Variants in SPATA13 observed in about 807,000 individuals in gnomAD.
SPATA13 encodes the protein spermatogenesis-associated protein 13.
SPATA13 carries 50 observed loss-of-function variants against 104.0 expected under a neutral mutation model. That is an observed-to-expected ratio of 0.48 (90% CI 0.38 to 0.61). The LOEUF is 0.61. Among genes scored for constraint, SPATA13 ranks in the 20% least tolerant of loss-of-function variants. SPATA13 has a pLI of 0.00. For synonymous variants in SPATA13, 606 were observed against 667.5 expected (o/e 0.91, Z 1.42); for missense variants, 1,524 against 1,690.6 (o/e 0.90, Z 1.73).
chr13:24,016,302 G>T (rs1332994706), intron 2 of SPATA13, among the ~76,000 whole-genome samples: 1 of 152,178 alleles, frequency 6.6e-6, no homozygotes, highest in African/African-American at 2.4e-5. Flanking sequence ...AGCAGCTGCG[G>T]CTCTTCCTGA....
chr13:24,245,536 A>G (rs1873074676), intron 2 of SPATA13, among the ~76,000 whole-genome samples: 1 of 139,900 alleles, frequency 7.1e-6, no homozygotes, highest in South Asian at 2.2e-4. Context: ...CTCCTTTTAT[A>G]TCTTCATTGG....
rs1233829548 is a variant in SPATA13, at chr13:24,224,052, C to G, written c.1123C>G (p.Arg375Gly). 1 of 1,547,450 alleles carries G rather than the reference C, an allele frequency of 6.5e-7. No homozygotes were observed. The highest frequency in any genetic ancestry group is 8.7e-7 in the Non-Finnish European group (1 of 1,144,570). Residue 375 changes from arginine to glycine, a missense_variant, in exon 2 of 13, where the codon CGG becomes GGG. Arg to Gly is a moderately radical substitution (Grantham distance 125). Around this residue, in one of 2 missense-constraint regions of SPATA13, gnomAD observed 1,089 missense variants for 1,135.9 expected, o/e 0.96. Coordinates refer to ENST00000382108, the MANE Select transcript of SPATA13 (RefSeq NM_001166271.3). Reference sequence around the variant, plus strand: ...CAGGAGCACTGAGCAGGACAGCAGGCGGGGCGGGGCGGTCATGCATGGGAC... The same window carrying G: ...CAGGAGCACTGAGCAGGACAGCAGGGGGGGCGGGGCGGTCATGCATGGGAC... ...VSRSTEQDSR[R>G]GGAVMHGTTA... is the part of the protein sequence containing the mutation.
intron 2 of SPATA13, among the ~76,000 whole-genome samples, chr13:24,005,610 G>T (rs1455687554): frequency 6.6e-6 from 1 of 152,140 alleles, no homozygotes; most frequent in South Asian, 2.1e-4. Context: ...GTGGGGACAG[G>T]GGGTGGGAGA....
chr13:24,163,440 G>A (rs1468637207), intron 1 of SPATA13, among the ~76,000 whole-genome samples: 1 of 152,102 alleles, frequency 6.6e-6, no homozygotes, highest in Non-Finnish European at 1.5e-5. Flanking sequence ...GAAGACTACT[G>A]CCAGCTGTCT....
Position 24,161,082 on chromosome 13 carries a change from T to G in SPATA13, c.-112+150T>G. ...GCTTGGCCTCTGCTTCCCCCGCCGG[T>G]GGAGGCTACCGGGTGCTCACCTGTT... On this transcript the variant is annotated intron_variant, in intron 1 of 12. Transcript: ENST00000382108. This position sits in a 1 kb window ranked among gnomAD's most constrained non-coding sequence, Gnocchi z 4.5. 4.7e-6 allele frequency: 2 copies of G among 421,962 alleles called. No individual in the cohort carries two copies. Among genetic ancestry groups the G allele is most frequent in the Non-Finnish European group, 6.4e-6 (2 of 314,504 alleles). The allele number at this position is 421,962 out of a possible 1,614,324, so 26.1% of individuals were successfully genotyped here. A position where few individuals can be genotyped will look rare whatever the true frequency, so the allele number is the denominator to read the frequency against.
In SPATA13 at chr13:24,306,516, G is replaced by A. The variant is rs1007519041; in HGVS notation, c.*3743G>A. 2 of 152,114 alleles carry A rather than the reference G, an allele frequency of 1.3e-5. No individual in the cohort carries two copies. Among genetic ancestry groups the A allele is most frequent in the Non-Finnish European group, 2.9e-5 (2 of 68,036 alleles). The allele number at this position is 152,114 out of a possible 1,614,324, so 9.4% of individuals were successfully genotyped here. A position where few individuals can be genotyped will look rare whatever the true frequency, so the allele number is the denominator to read the frequency against. ...CTAGGTGAAACTACTAGCAGACCCA[G>A]CTTTCCCATAATAACCTAATCTGCA... is the stretch of plus-strand genomic sequence containing the variant. On this transcript the variant is annotated 3_prime_UTR_variant, in exon 13 of 13. Transcript: ENST00000382108.
intron 1 of SPATA13, among the ~76,000 whole-genome samples, chr13:24,169,016 A>C (rs902187335): frequency 1.3e-5 from 2 of 152,066 alleles, no homozygotes; most frequent in African/African-American, 4.8e-5. Context: ...AATACATTTT[A>C]CTTTTCTAAA....
intron 4 of SPATA13, among the ~76,000 whole-genome samples, chr13:24,283,364 G>T (rs769930810): frequency 5.9e-5 from 9 of 152,212 alleles, no homozygotes; most frequent in Non-Finnish European, 1.3e-4. Context: ...CTGATAGATT[G>T]CTTCTTGGAC....
intron 2 of SPATA13, among the ~76,000 whole-genome samples, chr13:24,228,097 C>T (rs1479228844): frequency 1.3e-4 from 19 of 148,120 alleles, no homozygotes; most frequent in Non-Finnish European, 1.3e-4. Flanking sequence ...GGGTTTCTCC[C>T]CTCTTGTACT....
intron 1 of SPATA13, among the ~76,000 whole-genome samples, chr13:24,217,135 T>C (rs1220741162): frequency 1.3e-5 from 2 of 152,156 alleles, no homozygotes; most frequent in African/African-American, 4.8e-5. Context: ...GGTATGTACC[T>C]GTTATCCCAG....
upstream of SPATA13, among the ~76,000 whole-genome samples, chr13:24,159,695 A>C (rs143733404): frequency 1.4e-3 from 211 of 152,382 alleles, 4 homozygotes; most frequent in South Asian, 0.036. Context: ...AATGTCATAC[A>C]GAGTTTTTTC....
At position 24,181,761 on chromosome 13, in the gene SPATA13, C is replaced by CT. The variant is rs374662974; in HGVS notation, c.-112+20842dup. Among the ~76,000 whole-genome samples, 286 of 144,960 alleles carry CT rather than the reference C, an allele frequency of 2.0e-3. 6 individuals are homozygous for CT. The highest frequency in any genetic ancestry group is 8.6e-3 in the East Asian group (43 of 4,992). On this transcript the variant is annotated intron_variant, in intron 1 of 12. Coordinates refer to ENST00000382108, the MANE Select transcript of SPATA13 (RefSeq NM_001166271.3). ...CTGCCTGAGGCTGTTTTACAGTTGA[C>CT]TTTTTTTTTTTTTGTTAAAGTAAGT... is the stretch of plus-strand genomic sequence containing the variant.
chr13:24,269,457 G>C lies in SPATA13; in HGVS notation c.2165-14678G>C, dbSNP rs543724901. 3.3e-4 allele frequency among the ~76,000 whole-genome samples: 51 copies of C among 152,322 alleles called. 1 individual carries two copies. The South Asian group carries it at 5.2e-3, about 15-fold the overall frequency. On this transcript the variant is annotated intron_variant, in intron 4 of 12. Coordinates refer to ENST00000382108, the MANE Select transcript of SPATA13 (RefSeq NM_001166271.3). ...CTGTAACTCACAACACTGGAGTGCA[G>C]TGGTGTGATTATAGTTTACTGCAAC...
intron 3 of SPATA13, among the ~76,000 whole-genome samples, chr13:24,101,522 C>T (rs955647339): frequency 2.6e-5 from 4 of 152,154 alleles, no homozygotes; most frequent in African/African-American, 7.2e-5. Context: ...ACCACCTTAA[C>T]CATTTTTAAG....
intron 4 of SPATA13, among the ~76,000 whole-genome samples, chr13:24,269,043 A>G (rs1434543965): frequency 6.6e-6 from 1 of 152,200 alleles, no homozygotes. Flanking sequence ...TTCTCTGGGA[A>G]CTAGCATGTT....
At chr13:24,114,867 G>A (rs181999561) in intron 3 of SPATA13, among the ~76,000 whole-genome samples, 1 of 152,212 alleles carries the variant, frequency 6.6e-6, no homozygotes, top group African/African-American at 2.4e-5. Context: ...TCTCCATGTT[G>A]GTCAGGCTGG....
At chr13:24,131,797 AAG>A (rs1036462678) in intron 3 of SPATA13, among the ~76,000 whole-genome samples, 10 of 152,148 alleles carry the variant, frequency 6.6e-5, no homozygotes, top group Non-Finnish European at 1.5e-4. Context: ...GGCAACTGGG[AAG>A]AGAGAGGATG....
At chr13:24,219,153 T>C (rs1172942512) in intron 1 of SPATA13, among the ~76,000 whole-genome samples, 1 of 152,230 alleles carries the variant, frequency 6.6e-6, no homozygotes, top group Non-Finnish European at 1.5e-5. Context: ...TTTATAAGAC[T>C]TGCTACAAAA....
At chr13:24,157,372 C>T (rs1262540198), upstream of SPATA13, among the ~76,000 whole-genome samples, 1 of 152,146 alleles carries the variant, frequency 6.6e-6, no homozygotes, top group Non-Finnish European at 1.5e-5. Flanking sequence ...GATCGCGGCT[C>T]ACTGCAAGCT....
Sources: gnomAD v4.1 joint callset for allele counts (sites outside exome capture counted in the v4.1 genomes callset) on GRCh38, gnomAD v4.1.1 for gene constraint, gnomAD v4.1.1 regional missense constraint, Gnocchi (gnomAD v3.1) non-coding constraint, MANE v1.5 for transcripts, NCBI Gene and HGNC (gene_info 2026-07-23, HGNC 2026-07-21) for gene names.